Variants in DGLUCY observed in about 807,000 individuals in gnomAD.
DGLUCY encodes D-glutamate cyclase, mitochondrial.
A neutral mutation model predicts 58.5 loss-of-function variants in DGLUCY; 58 were observed. The ratio of observed to expected loss-of-function variants is 0.99; its 90% CI spans 0.80 to 1.23. DGLUCY has a LOEUF of 1.23. Ranked by LOEUF, DGLUCY falls within the 50% of genes most tolerant of loss-of-function variation. The pLI is 0.00. For synonymous variants in DGLUCY, 325 were observed against 314.1 expected (o/e 1.03, Z -0.37); for missense variants, 779 against 784.7 (o/e 0.99, Z 0.09).
upstream of DGLUCY, among the ~76,000 whole-genome samples, chr14:91,110,249 T>C (rs920753642): frequency 6.6e-6 from 1 of 152,188 alleles, no homozygotes; most frequent in African/African-American, 2.4e-5. Context: ...ATATTAATAT[T>C]TGACATTCCT....
chr14:91,158,154 A>G (rs574853213), intron 2 of DGLUCY, among the ~76,000 whole-genome samples: 16 of 152,334 alleles, frequency 1.1e-4, no homozygotes, highest in African/African-American at 3.8e-4. Context: ...GGGGAACCAC[A>G]GACATTCAGG....
At chr14:91,086,755 TTTAA>T (rs1331903312) in intron 1 of DGLUCY, among the ~76,000 whole-genome samples, 1 of 152,154 alleles carries the variant, frequency 6.6e-6, no homozygotes, top group Non-Finnish European at 1.5e-5. Context: ...TATTTTTTAA[TTTAA>T]TTAATTAATT....
intron 1 of DGLUCY, among the ~76,000 whole-genome samples, chr14:91,136,447 C>T (rs542768418): frequency 6.6e-6 from 1 of 152,126 alleles, no homozygotes; most frequent in Admixed American, 6.5e-5. Flanking sequence ...CTTTGGGAGG[C>T]CAAGGCAGGC....
chr14:91,188,194 C>T (rs1203713493), intron 8 of DGLUCY, among the ~76,000 whole-genome samples: 2 of 152,180 alleles, frequency 1.3e-5, no homozygotes, highest in Non-Finnish European at 2.9e-5. Context: ...TCTGCCGTTA[C>T]ATCCTGTGAC....
intron 1 of DGLUCY, among the ~76,000 whole-genome samples, chr14:91,151,463 G>A (rs139728646): frequency 2.0e-5 from 3 of 151,790 alleles, no homozygotes; most frequent in Non-Finnish European, 4.4e-5. Context: ...GGATGGTCTC[G>A]TCTCGATCTC....
chr14:91,144,794 G>T (rs975431278), intron 1 of DGLUCY, among the ~76,000 whole-genome samples: 1 of 152,126 alleles, frequency 6.6e-6, no homozygotes, highest in Non-Finnish European at 1.5e-5. Context: ...GAAATAAAAA[G>T]GCAGGAAGGC....
chr14:91,145,321 C>T (rs2046953207), intron 1 of DGLUCY: 1 of 152,246 alleles, frequency 6.6e-6, no homozygotes, highest in African/African-American at 2.4e-5. Context: ...CAGGTAACCA[C>T]ATTGGGGTTT....
chr14:91,218,950 C>T (rs978090580), intron 13 of DGLUCY, among the ~76,000 whole-genome samples: 5 of 151,618 alleles, frequency 3.3e-5, no homozygotes, highest in African/African-American at 7.3e-5. Flanking sequence ...GAGGCTGAGG[C>T]GGGCAGATCA....
intron 1 of DGLUCY, among the ~76,000 whole-genome samples, chr14:91,150,251 G>A (rs916547913): frequency 6.9e-6 from 1 of 144,740 alleles, no homozygotes; most frequent in African/African-American, 2.5e-5. Flanking sequence ...AATCCAGTTT[G>A]GCCTGTGTGA....
At chr14:91,202,803 C>T (rs772844542) in intron 11 of DGLUCY, among the ~76,000 whole-genome samples, 5 of 152,218 alleles carry the variant, frequency 3.3e-5, no homozygotes, top group Non-Finnish European at 7.4e-5. Context: ...TGGAGCTGGC[C>T]GTTCATGGCT....
rs61989783 is a variant in DGLUCY at position 91,068,079 on chromosome 14, G to A, written c.-82+7375G>A. Among the ~76,000 whole-genome samples the A allele has an allele frequency of 3.1e-3, 452 of 146,430 alleles. 1 individual carries two copies. Among genetic ancestry groups the A allele is most frequent in the Non-Finnish European group, 4.5e-3 (301 of 66,958 alleles). ...CGCGTGCACACACACACACGCGCAC[G>A]CACACACACACACACACACACACAC... is the stretch of plus-strand genomic sequence containing the variant. On this transcript the variant is annotated intron_variant, in intron 1 of 4. Coordinates refer to the DGLUCY transcript ENST00000521334.
chr14:91,224,277 C>T (rs1887907767), intron 13 of DGLUCY, among the ~76,000 whole-genome samples: 2 of 152,226 alleles, frequency 1.3e-5, no homozygotes, highest in African/African-American at 2.4e-5. Context: ...CCTATAGTCC[C>T]AGCTAGTCAG....
chr14:91,178,910 A>T (rs1015186621), intron 7 of DGLUCY, among the ~76,000 whole-genome samples: 1 of 152,138 alleles, frequency 6.6e-6, no homozygotes, highest in African/African-American at 2.4e-5. Context: ...ACACACCTAT[A>T]ATCCCAGCTA....
chr14:91,060,539 C>T (rs976999301), exon 1 of DGLUCY: 23 of 1,217,588 alleles, frequency 1.9e-5, no homozygotes, highest in Admixed American at 1.3e-4. Flanking sequence ...AGTCGGGGTG[C>T]GGCGGCTCCA....
At chr14:91,085,251 G>T (rs2044193767) in intron 1 of DGLUCY, among the ~76,000 whole-genome samples, 1 of 150,218 alleles carries the variant, frequency 6.7e-6, no homozygotes, top group Non-Finnish European at 1.5e-5. Context: ...AGTTAACAGA[G>T]CTGTTGATTG....
At chr14:91,105,009 C>T (rs1407548344), upstream of DGLUCY, among the ~76,000 whole-genome samples, 3 of 152,140 alleles carry the variant, frequency 2.0e-5, no homozygotes, top group Non-Finnish European at 2.9e-5. Context: ...TTTATAACTT[C>T]TATTACATAA....
chr14:91,190,819 C>T (rs1020136968), intron 9 of DGLUCY, among the ~76,000 whole-genome samples: 1 of 152,102 alleles, frequency 6.6e-6, no homozygotes, highest in Admixed American at 6.5e-5. Flanking sequence ...GATGGGGAGC[C>T]TGGGATTTCT....
At chr14:91,170,406 T>G (rs2048514306) in intron 5 of DGLUCY, among the ~76,000 whole-genome samples, 1 of 152,208 alleles carries the variant, frequency 6.6e-6, no homozygotes, top group Admixed American at 6.5e-5. Context: ...CTGGGACCAC[T>G]GTGAGCACCC....
At chr14:91,209,158 C>G (rs977273847) in intron 12 of DGLUCY, among the ~76,000 whole-genome samples, 1 of 151,600 alleles carries the variant, frequency 6.6e-6, no homozygotes, top group African/African-American at 2.4e-5. Context: ...TACTAAAATA[C>G]AAAAGTTAGC....
Sources: allele counts gnomAD v4.1 joint callset (sites outside exome capture counted in the v4.1 genomes callset), GRCh38; gene constraint gnomAD v4.1.1; transcripts MANE v1.5; gene names NCBI Gene and HGNC (gene_info 2026-07-23, HGNC 2026-07-21).